EMCN: variants seen among roughly 807,000 people sequenced by gnomAD.
EMCN encodes the protein endomucin, also known as MUC-14.
EMCN carries 37 observed loss-of-function variants against 38.4 expected under a neutral mutation model. The observed-to-expected ratio is 0.96, with a 90% CI of 0.74 to 1.27. The LOEUF is 1.27. Among genes scored for constraint, EMCN ranks in the 50% most tolerant of loss-of-function variants. The pLI is 0.00. For synonymous variants in EMCN, 95 were observed against 100.8 expected (o/e 0.94, Z 0.35); for missense variants, 318 against 302.8 (o/e 1.05, Z -0.37).
At chr4:100,481,617 ATCTTTTCTCCATTAG>A (rs1437563869) in intron 1 of EMCN, among the ~76,000 whole-genome samples, 1 of 152,088 alleles carries the variant, frequency 6.6e-6, no homozygotes, top group Non-Finnish European at 1.5e-5. Context: ...CTAGAAGCTT[ATCTTTTCTCCATTAG>A]TCATTTTGTT....
chr4:100,421,528 G>C (rs1384856097), intron 7 of EMCN, 151 bp from the exon 8 acceptor site: 1 of 668,646 alleles, frequency 1.5e-6, no homozygotes, highest in East Asian at 2.8e-5. Flanking sequence ...TCTGATTCAT[G>C]GGGTTTGCTC....
At chr4:100,439,090 G>A (rs1055256980) in intron 5 of EMCN, among the ~76,000 whole-genome samples, 3 of 152,006 alleles carry the variant, frequency 2.0e-5, no homozygotes, top group African/African-American at 7.2e-5. Flanking sequence ...TAATATCTTT[G>A]TCTGACTTAG....
At chr4:100,510,448 G>A (rs12501053) in intron 1 of EMCN, among the ~76,000 whole-genome samples, 60,626 of 151,964 alleles carry the variant, frequency 0.4, 12,780 homozygotes, top group East Asian at 0.71. Context: ...AATTAACATT[G>A]TAATTGTTTA....
intron 2 of EMCN, among the ~76,000 whole-genome samples, chr4:100,476,260 T>C (rs1728648563): frequency 6.7e-6 from 1 of 150,224 alleles, no homozygotes; most frequent in Non-Finnish European, 1.5e-5. Flanking sequence ...CTTCCTTTTT[T>C]CCTTCCTTCT....
chr4:100,439,426 T>C (rs1390933337), intron 5 of EMCN, among the ~76,000 whole-genome samples: 1 of 151,822 alleles, frequency 6.6e-6, no homozygotes, highest in Non-Finnish European at 1.5e-5. Flanking sequence ...ATCCAGTCGT[T>C]GGCATATATT....
intron 5 of EMCN, among the ~76,000 whole-genome samples, chr4:100,441,954 A>G (rs954815302): frequency 3.0e-4 from 46 of 152,286 alleles, no homozygotes; most frequent in African/African-American, 1.1e-3. Context: ...TCCTGATTTT[A>G]CTATGTATTT....
intron 1 of EMCN, among the ~76,000 whole-genome samples, chr4:100,496,912 G>A (rs1390281444): frequency 6.6e-6 from 1 of 151,984 alleles, no homozygotes; most frequent in African/African-American, 2.4e-5. Context: ...AGTCATGAAG[G>A]ATTTTGTAAT....
chr4:100,444,293 T>C (rs1032144312), intron 5 of EMCN, among the ~76,000 whole-genome samples: 5 of 152,188 alleles, frequency 3.3e-5, no homozygotes, highest in Admixed American at 3.3e-4. Context: ...CAGTGGAGCC[T>C]CTGGATGCCT....
intron 7 of EMCN, 54 bp downstream of exon 7, chr4:100,422,967 A>T: frequency 6.4e-7 from 1 of 1,554,902 alleles, no homozygotes; most frequent in Non-Finnish European, 8.9e-7. Flanking sequence ...TACTGGTCAC[A>T]TTCAAACATT....
At chr4:100,417,007 G>A in intron 9 of EMCN, 110 bp downstream of exon 9, 1 of 1,091,896 alleles carries the variant, frequency 9.2e-7, no homozygotes, top group Admixed American at 1.9e-5. Context: ...AAGCCAATAT[G>A]TAGATTTTCT....
At chr4:100,448,454 C>A (rs934549070) in intron 4 of EMCN, among the ~76,000 whole-genome samples, 1 of 152,078 alleles carries the variant, frequency 6.6e-6, no homozygotes, top group Non-Finnish European at 1.5e-5. Flanking sequence ...TGGTTCAATA[C>A]GTGGTGCCAT....
chr4:100,405,150 T>A (rs1337013128), intron 11 of EMCN, among the ~76,000 whole-genome samples: 1 of 152,110 alleles, frequency 6.6e-6, no homozygotes, highest in Non-Finnish European at 1.5e-5. Flanking sequence ...TAGAAACATA[T>A]AATCTATGAA....
intron 5 of EMCN, among the ~76,000 whole-genome samples, chr4:100,433,158 T>A (rs1727250314): frequency 6.6e-6 from 1 of 152,210 alleles, no homozygotes; most frequent in Admixed American, 6.5e-5. Flanking sequence ...TGCTTTGTTC[T>A]CTATCTCTGT....
intron 1 of EMCN, among the ~76,000 whole-genome samples, chr4:100,487,189 G>T (rs1004740368): frequency 2.6e-5 from 4 of 152,192 alleles, no homozygotes; most frequent in African/African-American, 9.7e-5. Context: ...CTATGGTTCT[G>T]CAGCTCAAAA....
At chr4:100,485,002 G>A (rs1728903746) in intron 1 of EMCN, among the ~76,000 whole-genome samples, 1 of 152,060 alleles carries the variant, frequency 6.6e-6, no homozygotes, top group Non-Finnish European at 1.5e-5. Context: ...TTACTTGCCA[G>A]TGTGCTCCAT....
intron 3 of EMCN, among the ~76,000 whole-genome samples, chr4:100,466,142 A>T (rs1728309474): frequency 6.6e-6 from 1 of 152,214 alleles, no homozygotes; most frequent in South Asian, 2.1e-4. Flanking sequence ...TTTCAAAGAT[A>T]ACATTGGAAT....
At chr4:100,484,946 G>T (rs1728902192) in intron 1 of EMCN, among the ~76,000 whole-genome samples, 1 of 151,664 alleles carries the variant, frequency 6.6e-6, no homozygotes, top group Non-Finnish European at 1.5e-5. Context: ...ATACTACTTG[G>T]GTATATGGAA....
chr4:100,439,567 T>A (rs1227962317), intron 5 of EMCN, among the ~76,000 whole-genome samples: 3 of 150,958 alleles, frequency 2.0e-5, no homozygotes, highest in Admixed American at 6.6e-5. Context: ...CATTTTTTTT[T>A]ATTTTTTGAA....
At chr4:100,454,719 A>AAGTAT (rs1443329020) in intron 4 of EMCN, among the ~76,000 whole-genome samples, 3 of 152,188 alleles carry the variant, frequency 2.0e-5, no homozygotes, top group Non-Finnish European at 4.4e-5. Context: ...AATGATGTCA[A>AAGTAT]AGTATAGATC....
Sources: gnomAD v4.1 joint callset for allele counts (sites outside exome capture counted in the v4.1 genomes callset) on GRCh38, gnomAD v4.1.1 for gene constraint, MANE v1.5 for transcripts, NCBI Gene and HGNC (gene_info 2026-07-23, HGNC 2026-07-21) for gene names.